Variants in ELMO1 observed in about 807,000 individuals in gnomAD.
ELMO1 encodes the protein engulfment and cell motility protein 1.
ELMO1 carries 26 observed loss-of-function variants against 98.9 expected under a neutral mutation model. The ratio of observed to expected loss-of-function variants is 0.26; its 90% confidence interval spans 0.19 to 0.36. ELMO1 has a LOEUF of 0.36. Among genes scored for constraint, ELMO1 ranks in the 10% least tolerant of loss-of-function variants. The pLI is 1.00. For missense variants in ELMO1, 627 were observed against 935.2 expected, an observed-to-expected ratio of 0.67 and a Z score of 4.30; for synonymous variants, 346 against 346.0, an observed-to-expected ratio of 1.00 and a Z score of 0.00.
At chr7:37,117,128 C>A (rs115122191) in intron 14 of ELMO1, 1 of 207,978 alleles carries the variant, frequency 4.8e-6, no homozygotes, top group Admixed American at 4.5e-5. Context: ...GACTGTCCAA[C>A]CTGCGGGTCA....
intron 13 of ELMO1, among the ~76,000 whole-genome samples, chr7:37,143,620 T>C (rs1214285313): frequency 2.0e-5 from 3 of 152,036 alleles, no homozygotes; most frequent in African/African-American, 7.2e-5. Flanking sequence ...CTGGCCAGGC[T>C]GATTTCGAAC....
intron 19 of ELMO1, among the ~76,000 whole-genome samples, chr7:36,872,426 G>A (rs2129041409): frequency 1.3e-5 from 2 of 152,366 alleles, no homozygotes; most frequent in South Asian, 4.1e-4. Context: ...ACGTGAGTGA[G>A]AAATAACCTT....
intron 15 of ELMO1, among the ~76,000 whole-genome samples, chr7:37,047,991 A>G (rs541906266): frequency 6.6e-6 from 1 of 152,234 alleles, no homozygotes; most frequent in Non-Finnish European, 1.5e-5. Flanking sequence ...CTGAAAAATC[A>G]TTCCACTCTT....
chr7:37,333,088 C>T (rs1800221265), intron 2 of ELMO1, among the ~76,000 whole-genome samples: 1 of 152,150 alleles, frequency 6.6e-6, no homozygotes, highest in African/African-American at 2.4e-5. Flanking sequence ...TGATGGAAAG[C>T]TAGGAACAAG....
chr7:37,124,215 A>G (rs1422628184), intron 14 of ELMO1, among the ~76,000 whole-genome samples: 1 of 152,224 alleles, frequency 6.6e-6, no homozygotes, highest in African/African-American at 2.4e-5. Context: ...TTCCCTTTGA[A>G]AAGTTGCACA....
At chr7:37,277,377 G>A (rs1169348104) in intron 4 of ELMO1, among the ~76,000 whole-genome samples, 1 of 152,218 alleles carries the variant, frequency 6.6e-6, no homozygotes, top group Non-Finnish European at 1.5e-5. Flanking sequence ...TTTCCCAGGG[G>A]AGAAGAGGAA....
intron 16 of ELMO1, among the ~76,000 whole-genome samples, chr7:36,981,201 C>G (rs771881844): frequency 6.8e-6 from 1 of 148,038 alleles, no homozygotes; most frequent in Non-Finnish European, 1.5e-5. Context: ...TCCTCTTAAA[C>G]TTTTCCAAAG....
chr7:37,161,365 GTAC>G (rs1034484640), intron 13 of ELMO1, among the ~76,000 whole-genome samples: 1 of 152,056 alleles, frequency 6.6e-6, no homozygotes, highest in Non-Finnish European at 1.5e-5. Context: ...CCTAAACATT[GTAC>G]TTAAGGGGCC....
intron 16 of ELMO1, among the ~76,000 whole-genome samples, chr7:36,935,704 AAG>A (rs1786469369): frequency 1.3e-5 from 2 of 152,108 alleles, no homozygotes; most frequent in Non-Finnish European, 2.9e-5. Flanking sequence ...CTCTTACTAT[AAG>A]GTGCACAGCT....
chr7:37,071,939 T>C (rs528535466), intron 15 of ELMO1, among the ~76,000 whole-genome samples: 3 of 152,172 alleles, frequency 2.0e-5, no homozygotes, highest in South Asian at 4.2e-4. Flanking sequence ...AATATTAGTA[T>C]ACTCAATTAA....
At chr7:37,281,402 A>T (rs891076208) in intron 4 of ELMO1, among the ~76,000 whole-genome samples, 1 of 152,182 alleles carries the variant, frequency 6.6e-6, no homozygotes, top group Non-Finnish European at 1.5e-5. Flanking sequence ...TGTGAGGAAG[A>T]AAAAAACAAT....
At chr7:37,248,326 AT>A (rs931517306) in intron 6 of ELMO1, among the ~76,000 whole-genome samples, 9 of 148,798 alleles carry the variant, frequency 6.0e-5, no homozygotes, top group Admixed American at 2.0e-4. Flanking sequence ...AAGGAACGGC[AT>A]TTTTTTTTTC....
At chr7:37,026,751 T>C (rs1275646613) in intron 15 of ELMO1, among the ~76,000 whole-genome samples, 1 of 152,196 alleles carries the variant, frequency 6.6e-6, no homozygotes, top group Non-Finnish European at 1.5e-5. Flanking sequence ...GGCACTTCAC[T>C]TCTAAAGCTC....
At position 37,040,035 on chromosome 7, in the gene ELMO1, T is replaced by C. The variant is rs563086397; in HGVS notation, c.1301-26600A>G. Among the ~76,000 whole-genome samples, 5 of 152,322 alleles carry C rather than the reference T, an allele frequency of 3.3e-5. No homozygotes were observed. In the South Asian group the frequency reaches 1.0e-3, roughly 32 times the overall value. On this transcript the variant is annotated intron_variant, in intron 15 of 21. Coordinates refer to ENST00000310758, the MANE Select transcript of ELMO1 (RefSeq NM_014800.11). Reference sequence around the variant, plus strand: ...TCCTGTGATAATGTAAATGTTTGTGTTTGTGTGTATGTGTGTGTGTGTATG... The same window carrying C: ...TCCTGTGATAATGTAAATGTTTGTGCTTGTGTGTATGTGTGTGTGTGTATG...
chr7:36,971,882 CAA>C (rs1451850938), intron 16 of ELMO1, among the ~76,000 whole-genome samples: 1 of 152,108 alleles, frequency 6.6e-6, no homozygotes, highest in African/African-American at 2.4e-5. Context: ...CAGGATAAAA[CAA>C]GAGAAAAGAC....
intron 16 of ELMO1, among the ~76,000 whole-genome samples, chr7:36,960,677 C>T (rs965990005): frequency 6.6e-6 from 1 of 151,804 alleles, no homozygotes; most frequent in Non-Finnish European, 1.5e-5. Flanking sequence ...CATTATCCAC[C>T]CATCTATCTA....
intron 13 of ELMO1, among the ~76,000 whole-genome samples, chr7:37,176,812 T>C (rs1790522591): frequency 6.6e-6 from 1 of 152,190 alleles, no homozygotes; most frequent in African/African-American, 2.4e-5. Flanking sequence ...TTGGTTGCAG[T>C]AAACAAAAGT....
chr7:37,141,403 C>T (rs955503732), intron 13 of ELMO1, among the ~76,000 whole-genome samples: 3 of 152,122 alleles, frequency 2.0e-5, no homozygotes, highest in African/African-American at 7.2e-5. Flanking sequence ...AAAGACTACA[C>T]ATTGGGTACA....
intron 13 of ELMO1, among the ~76,000 whole-genome samples, chr7:37,148,881 C>G (rs1315120945): frequency 6.6e-6 from 1 of 152,196 alleles, no homozygotes; most frequent in Non-Finnish European, 1.5e-5. Flanking sequence ...ATGTCATGTA[C>G]AGTAGGCATC....
Sources: allele counts gnomAD v4.1 joint callset (sites outside exome capture counted in the v4.1 genomes callset), GRCh38; gene constraint gnomAD v4.1.1; transcripts MANE v1.5; gene names NCBI Gene and HGNC (gene_info 2026-07-23, HGNC 2026-07-21).